CSF2RB: variants seen among roughly 807,000 people sequenced by gnomAD.
The protein encoded by CSF2RB is colony stimulating factor 2 receptor subunit beta.
In CSF2RB, 22 loss-of-function variants were observed where a neutral mutation model predicts 67.2. The observed-to-expected ratio is 0.33, with a 90% confidence interval of 0.23 to 0.47. The LOEUF is 0.47. Ranked by LOEUF, CSF2RB falls within the 20% of genes least tolerant of loss-of-function variation. CSF2RB has a pLI of 1.00. For missense variants in CSF2RB, 1,113 were observed against 1,174.5 expected (o/e 0.95, Z 0.76); for synonymous variants, 507 against 482.9 (o/e 1.05, Z -0.65).
Position 36,933,842 on chromosome 22 carries a change from C to G in CSF2RB, c.1163C>G (p.Thr388Ser). Residue 388 changes from threonine to serine, a missense_variant, in exon 10 of 14, where the codon ACC (threonine) becomes AGC (serine). Transcript: ENST00000403662. ...KDTATWKDSK[T>S]ETLQNAHSMA... is the part of the protein sequence containing the mutation. ...AGTGCCAACCCACAGGACAGCAAGA[C>G]CGAGACCCTCCAGAACGCCCACAGC... is the stretch of plus-strand genomic sequence containing the variant. 6.2e-7 allele frequency: 1 copy of G among 1,608,198 alleles called. No homozygotes were observed. The highest frequency in any genetic ancestry group is 1.1e-5 in the South Asian group (1 of 90,766).
chr22:36,929,840 G>T lies in CSF2RB; in HGVS notation c.718+33G>T, dbSNP rs542912263. ...TGCCAGAGCCCAGGAAATGCCCCGT[G>T]GTGGGAGGGCAGGCTCATCAGGAGC... is the stretch of plus-strand genomic sequence containing the variant. On this transcript the variant is annotated intron_variant, in intron 6 of 13. Coordinates refer to ENST00000403662, the MANE Select transcript of CSF2RB (RefSeq NM_000395.3). The T allele has an allele frequency of 4.4e-6, 7 of 1,605,918 alleles. No individual in the cohort carries two copies. The Admixed American group carries it at 8.5e-5, about 19-fold the overall frequency.
intron 1 of CSF2RB, among the ~76,000 whole-genome samples, chr22:36,914,215 T>G (rs1940661655): frequency 6.6e-6 from 1 of 152,038 alleles, no homozygotes. Flanking sequence ...TGTATGTGCA[T>G]GTGCGGATGT....
rs370947085 is a variant in CSF2RB, at chr22:36,922,262, C to T, written c.55C>T (p.Arg19Cys). ...SMALLALCWE[R>C]SLAGAEETIP... ...GGCCCTGCTGGCCCTGTGCTGGGAGCGCAGCCTGGCAGGGGCAGAAGGTGA... is the reference window on the plus strand; with the variant it reads ...GGCCCTGCTGGCCCTGTGCTGGGAGTGCAGCCTGGCAGGGGCAGAAGGTGA... The change falls in exon 2 of 14, where the codon CGC (arginine) becomes TGC (cysteine). Residue 19 changes from arginine to cysteine, a missense_variant. Arg to Cys is a radical substitution (Grantham distance 180, BLOSUM62 -3). Coordinates refer to ENST00000403662, the MANE Select transcript of CSF2RB (RefSeq NM_000395.3). 12 of 1,580,638 alleles carry T rather than the reference C, an allele frequency of 7.6e-6. No individual in the cohort carries two copies. In the South Asian group the frequency reaches 8.1e-5, roughly 11 times the overall value.
At chr22:36,914,347 G>A (rs1254679509) in intron 1 of CSF2RB, among the ~76,000 whole-genome samples, 2 of 152,026 alleles carry the variant, frequency 1.3e-5, no homozygotes, top group East Asian at 3.9e-4. Flanking sequence ...TTGAGAAAGA[G>A]CCCAGCACTT....
At position 36,938,797 on chromosome 22, in the gene CSF2RB, C is replaced by G. The variant is rs567882451; in HGVS notation, c.*295C>G. 9.2e-6 allele frequency: 5 copies of G among 544,670 alleles called. No homozygotes were observed. Among genetic ancestry groups the G allele is most frequent in the African/African-American group, 1.9e-5 (1 of 53,240 alleles). 33.7% of individuals were successfully genotyped at this position (544,670 alleles called of 1,614,324 possible). ...CTAGATATACTCATTCCATCTCCCC[C>G]TCATTTTTTTAATCAGGTTTCCTTG... is the stretch of plus-strand genomic sequence containing the variant. On this transcript the variant is annotated 3_prime_UTR_variant, in exon 14 of 14. Coordinates refer to ENST00000403662, the MANE Select transcript of CSF2RB (RefSeq NM_000395.3).
chr22:36,919,782 G>T (rs1940810427), intron 1 of CSF2RB, among the ~76,000 whole-genome samples: 1 of 152,148 alleles, frequency 6.6e-6, no homozygotes, highest in Admixed American at 6.5e-5. Context: ...TTGCATAGAA[G>T]TGTCTTCTTT....
chr22:36,919,986 A>T (rs1450593785), intron 1 of CSF2RB, among the ~76,000 whole-genome samples: 1 of 152,236 alleles, frequency 6.6e-6, no homozygotes, highest in Non-Finnish European at 1.5e-5. Flanking sequence ...CAGAGTCTAG[A>T]GGCAGCCCAC....
chr22:36,914,811 T>A (rs1940682247), intron 1 of CSF2RB, among the ~76,000 whole-genome samples: 1 of 152,230 alleles, frequency 6.6e-6, no homozygotes, highest in African/African-American at 2.4e-5. Flanking sequence ...AGCAGTTTTA[T>A]TTATATTGTT....
chr22:36,923,689 C>T (rs1301580151), intron 3 of CSF2RB: 33 of 1,341,538 alleles, frequency 2.5e-5, no homozygotes, highest in Non-Finnish European at 3.2e-5. Context: ...CTTAGTTCCT[C>T]CTCACTGTGA....
chr22:36,930,596 G>A, intron 7 of CSF2RB, 77 bp from the exon 8 acceptor site: 3 of 1,611,152 alleles, frequency 1.9e-6, no homozygotes, highest in Non-Finnish European at 2.5e-6. Flanking sequence ...CCCAGCAGAA[G>A]CCACAGCCCA....
At chr22:36,934,336 A>T (rs1198786198) in intron 10 of CSF2RB, among the ~76,000 whole-genome samples, 1 of 152,194 alleles carries the variant, frequency 6.6e-6, no homozygotes, top group East Asian at 1.9e-4. Flanking sequence ...ACCCCACTCC[A>T]CTCAGGCCTC....
intron 1 of CSF2RB, among the ~76,000 whole-genome samples, chr22:36,916,283 A>C (rs930162999): frequency 6.6e-6 from 1 of 152,096 alleles, no homozygotes; most frequent in Non-Finnish European, 1.5e-5. Flanking sequence ...TTTGGTTTTG[A>C]CTTTGAGATT....
At chr22:36,932,526 G>T (rs1205528176) in intron 8 of CSF2RB, among the ~76,000 whole-genome samples, 3 of 151,844 alleles carry the variant, frequency 2.0e-5, no homozygotes, top group Non-Finnish European at 4.4e-5. Flanking sequence ...AATAAAAATA[G>T]GAGTAGTGCA....
intron 8 of CSF2RB, among the ~76,000 whole-genome samples, chr22:36,932,327 C>T (rs1941160996): frequency 6.6e-6 from 1 of 150,942 alleles, no homozygotes; most frequent in Non-Finnish European, 1.5e-5. Flanking sequence ...CCCAGCTACT[C>T]GGGAGGCTGA....
chr22:36,927,621 G>A (rs1015667032), intron 4 of CSF2RB, among the ~76,000 whole-genome samples: 4 of 152,180 alleles, frequency 2.6e-5, no homozygotes, highest in African/African-American at 7.2e-5. Context: ...GGAGACACAG[G>A]TAAGGACCTG....
At chr22:36,921,224 ATG>A (rs1031111977) in intron 1 of CSF2RB, among the ~76,000 whole-genome samples, 3 of 146,356 alleles carry the variant, frequency 2.0e-5, no homozygotes, top group East Asian at 4.1e-4. Context: ...TCATGTGTGT[ATG>A]TGTGTCTGTG....
intron 9 of CSF2RB, 34 bp downstream of exon 9, chr22:36,932,938 T>G: frequency 6.2e-7 from 1 of 1,611,694 alleles, no homozygotes; most frequent in Non-Finnish European, 8.5e-7. Flanking sequence ...GGAGAAACAC[T>G]GGGGAGGGCG....
chr22:36,936,806 G>A (rs1006168706), intron 13 of CSF2RB, among the ~76,000 whole-genome samples, 154 bp downstream of exon 13: 10 of 152,286 alleles, frequency 6.6e-5, no homozygotes, highest in African/African-American at 1.4e-4. Context: ...CACCTGGGGG[G>A]GATGTGAGGA....
Position 36,938,200 on chromosome 22 carries a change from G to C in CSF2RB, c.2392G>C (p.Glu798Gln), listed in dbSNP as rs531744714. 2 of 1,614,152 alleles carry C rather than the reference G, an allele frequency of 1.2e-6. No homozygotes were observed. The highest frequency in any genetic ancestry group is 1.7e-6 in the Non-Finnish European group (2 of 1,180,008). The part of the protein sequence containing the change: ...EAKSPVLNPG[E>Q]RPADVSPTSP... Reference sequence around the variant, plus strand: ...CAAAAGCCCTGTCCTGAACCCAGGGGAACGCCCGGCAGATGTGTCCCCAAC... The same window carrying C: ...CAAAAGCCCTGTCCTGAACCCAGGGCAACGCCCGGCAGATGTGTCCCCAAC... Residue 798 changes from glutamate (E) to glutamine (Q), a missense_variant, in exon 14 of 14, where the codon GAA becomes CAA. By Grantham distance (29) the Glu-to-Gln change is conservative. Coordinates refer to ENST00000403662, the MANE Select transcript of CSF2RB (RefSeq NM_000395.3).
Sources: gnomAD v4.1 joint callset for allele counts (sites outside exome capture counted in the v4.1 genomes callset) on GRCh38, gnomAD v4.1.1 for gene constraint, MANE v1.5 for transcripts, NCBI Gene and HGNC (gene_info 2026-07-23, HGNC 2026-07-21) for gene names.